Variants in ADCY2 observed in about 807,000 individuals in gnomAD.
ADCY2 encodes the protein adenylate cyclase 2.
Under a neutral mutation model 125.2 loss-of-function variants are expected in ADCY2, and 31 were observed. That is an observed-to-expected ratio of 0.25 (90% CI 0.19 to 0.33). ADCY2 has a LOEUF of 0.33. Ranked by LOEUF, ADCY2 falls within the 10% of genes least tolerant of loss-of-function variation. ADCY2 has a pLI of 1.00. For missense variants in ADCY2, 904 were observed against 1,418.2 expected (o/e 0.64, Z 5.82); for synonymous variants, 512 against 548.4 (o/e 0.93, Z 0.93).
intron 3 of ADCY2, among the ~76,000 whole-genome samples, chr5:7,556,342 T>C (rs1735506241): frequency 1.3e-5 from 2 of 152,152 alleles, no homozygotes; most frequent in Admixed American, 1.3e-4. Context: ...TCTGGTACCA[T>C]GAGACTTATG....
chr5:7,599,983 C>T (rs1737148087), intron 3 of ADCY2, among the ~76,000 whole-genome samples: 1 of 152,116 alleles, frequency 6.6e-6, no homozygotes. Flanking sequence ...GAGGAAGGAG[C>T]ATAGACCACA....
chr5:7,625,636 A>G (rs1327406163), intron 3 of ADCY2, among the ~76,000 whole-genome samples: 1 of 152,242 alleles, frequency 6.6e-6, no homozygotes, highest in Non-Finnish European at 1.5e-5. Flanking sequence ...ATCCAGGCTC[A>G]GCAAATACAG....
intron 4 of ADCY2, among the ~76,000 whole-genome samples, chr5:7,673,260 A>T (rs1739996124): frequency 1.8e-5 from 1 of 56,090 alleles, no homozygotes; most frequent in Non-Finnish European, 3.5e-5. Context: ...AAAAAAAAAA[A>T]AAAAAAAAAA....
intron 4 of ADCY2, among the ~76,000 whole-genome samples, chr5:7,673,269 A>AATATATATATATAT (rs1180249627): frequency 0.01 from 41 of 3,924 alleles, 3 homozygotes; most frequent in East Asian, 0.016. Flanking sequence ...AAAAAAAAAA[A>AATATATATATATAT]ATATATATAT....
chr5:7,520,871 C>G lies in ADCY2; in HGVS notation c.542C>G (p.Pro181Arg). ...IVLSVCLSAT[P>R]GGKEHLVWQI... is the part of the protein sequence containing the mutation. ...CTTAGCGTCTGCCTGTCTGCAACACCGGGAGGCAAGGAGCACCTGGTCTGG... is the reference window on the plus strand; with the variant it reads ...CTTAGCGTCTGCCTGTCTGCAACACGGGGAGGCAAGGAGCACCTGGTCTGG... The change falls in exon 3 of 25, where the codon CCG becomes CGG. Residue 181 changes from proline to arginine, a missense_variant. Pro to Arg is a moderately radical substitution (Grantham distance 103, BLOSUM62 -2). Transcript: ENST00000338316. 1.9e-6 allele frequency: 3 copies of G among 1,614,144 alleles called. No homozygotes were observed. The highest frequency in any genetic ancestry group is 2.5e-6 in the Non-Finnish European group (3 of 1,180,028).
intron 14 of ADCY2, among the ~76,000 whole-genome samples, chr5:7,740,547 C>T (rs539822171): frequency 7.3e-4 from 111 of 152,028 alleles, no homozygotes; most frequent in Middle Eastern, 3.4e-3. Context: ...ATTCATAAGA[C>T]ATAGAAGTTG....
At chr5:7,405,545 C>T (rs1399671023) in intron 1 of ADCY2, among the ~76,000 whole-genome samples, 1 of 152,134 alleles carries the variant, frequency 6.6e-6, no homozygotes, top group East Asian at 1.9e-4. Context: ...AGCAGGCTAG[C>T]CTGAGCTTCT....
chr5:7,693,210 G>A (rs1239210327), intron 5 of ADCY2, among the ~76,000 whole-genome samples: 2 of 151,908 alleles, frequency 1.3e-5, no homozygotes, highest in African/African-American at 4.8e-5. Flanking sequence ...CTTCAGTTGG[G>A]CTCTCCAGGG....
At chr5:7,578,630 G>A (rs1736328637) in intron 3 of ADCY2, among the ~76,000 whole-genome samples, 1 of 152,074 alleles carries the variant, frequency 6.6e-6, no homozygotes, top group Non-Finnish European at 1.5e-5. Flanking sequence ...GGAATCGTGG[G>A]CATCTTATTT....
chr5:7,807,223 C>T (rs992644231), intron 22 of ADCY2, among the ~76,000 whole-genome samples: 1 of 152,166 alleles, frequency 6.6e-6, no homozygotes, highest in African/African-American at 2.4e-5. Context: ...TCCATCAGAC[C>T]CAGTCTTCTG....
chr5:7,496,876 A>G (rs62341504), intron 2 of ADCY2, among the ~76,000 whole-genome samples: 1 of 152,174 alleles, frequency 6.6e-6, no homozygotes, highest in Non-Finnish European at 1.5e-5. Context: ...ATCAGCAATA[A>G]TATATCTAGG....
chr5:7,607,311 C>T (rs1737411814), intron 3 of ADCY2, among the ~76,000 whole-genome samples: 1 of 152,234 alleles, frequency 6.6e-6, no homozygotes, highest in African/African-American at 2.4e-5. Context: ...GTTCTTCCCT[C>T]CACCTGAACT....
chr5:7,803,007 A>G (rs888673254), intron 21 of ADCY2, among the ~76,000 whole-genome samples: 2 of 152,192 alleles, frequency 1.3e-5, no homozygotes, highest in East Asian at 1.9e-4. Flanking sequence ...GTCCAGGAGC[A>G]TATGTTAATG....
intron 2 of ADCY2, among the ~76,000 whole-genome samples, chr5:7,464,380 G>C (rs568427982): frequency 6.6e-6 from 1 of 152,260 alleles, no homozygotes; most frequent in East Asian, 1.9e-4. Flanking sequence ...ACATGTAAGT[G>C]AAGCTGTCCT....
At position 7,614,842 on chromosome 5, in the gene ADCY2, T is replaced by G. The variant is rs1309213275; in HGVS notation, c.571-11325T>G. The stretch of plus-strand genomic sequence containing the variant: ...TGTTGGGTAGCTGATTCCCCAGCAG[T>G]AACACCTTTCTCCAGGTTCTAGCAA... On this transcript the variant is annotated intron_variant, in intron 3 of 24. Transcript: ENST00000338316. Among the ~76,000 whole-genome samples, 4 of 152,202 alleles carry G rather than the reference T, an allele frequency of 2.6e-5. No homozygotes were observed. In the East Asian group the frequency reaches 7.7e-4, roughly 29 times the overall value.
chr5:7,568,795 G>C (rs73048123), intron 3 of ADCY2, among the ~76,000 whole-genome samples: 4,266 of 152,246 alleles, frequency 0.028, 185 homozygotes, highest in African/African-American at 0.097. Context: ...AACTGTTCTA[G>C]AAAATGTCTT....
chr5:7,763,038 T>TTTTC (rs199670340), intron 16 of ADCY2, among the ~76,000 whole-genome samples: 57,108 of 143,714 alleles, frequency 0.4, 11,336 homozygotes, highest in Admixed American at 0.53. Context: ...AGTGCTTTCA[T>TTTTC]TTTCTTTGTT....
intron 10 of ADCY2, 111 bp from the exon 11 acceptor site, chr5:7,712,745 G>C (rs1741480078): frequency 2.0e-5 from 15 of 738,302 alleles, no homozygotes; most frequent in Non-Finnish European, 2.5e-5. Flanking sequence ...TTATTTGTTA[G>C]TTAAATGTTA....
At chr5:7,746,215 C>G (rs549051694) in intron 15 of ADCY2, 1 of 152,610 alleles carries the variant, frequency 6.6e-6, no homozygotes, top group East Asian at 1.9e-4. Flanking sequence ...CTCCTCCTCA[C>G]AAGAAGCCTG....
Sources: gnomAD v4.1 joint callset for allele counts (sites outside exome capture counted in the v4.1 genomes callset) on GRCh38, gnomAD v4.1.1 for gene constraint, MANE v1.5 for transcripts, NCBI Gene and HGNC (gene_info 2026-07-23, HGNC 2026-07-21) for gene names.